The following PRKN variants were observed in gnomAD, a reference collection of about 807,000 sequenced individuals.
PRKN encodes the protein parkin RBR E3 ubiquitin protein ligase.
A neutral mutation model predicts 59.5 loss-of-function variants in PRKN; 56 were observed. That is an observed-to-expected ratio of 0.94 (90% CI 0.76 to 1.18). The LOEUF (loss-of-function observed/expected upper bound fraction) is 1.18. Ranked by LOEUF, PRKN falls within the 50% of genes most tolerant of loss-of-function variation. The pLI is 0.00. For missense variants in PRKN, 657 were observed against 596.4 expected, an observed-to-expected ratio of 1.10 and a Z score of -1.06; for synonymous variants, 250 against 222.1, an observed-to-expected ratio of 1.13 and a Z score of -1.12.
intron 5 of PRKN, among the ~76,000 whole-genome samples, chr6:161,985,078 G>A (rs944218005): frequency 2.0e-5 from 3 of 152,162 alleles, no homozygotes; most frequent in Admixed American, 6.5e-5. Context: ...TCCAACAAAC[G>A]TTTGGAGATT....
chr6:162,169,435 A>G (rs541785346), intron 4 of PRKN, among the ~76,000 whole-genome samples: 10 of 152,302 alleles, frequency 6.6e-5, no homozygotes, highest in Non-Finnish European at 1.5e-4. Context: ...AATTCAAGTT[A>G]CTACCACTTT....
At chr6:161,802,694 A>G (rs1055232086) in intron 6 of PRKN, among the ~76,000 whole-genome samples, 2 of 151,988 alleles carry the variant, frequency 1.3e-5, no homozygotes, top group African/African-American at 4.8e-5. Flanking sequence ...CACATTCCCA[A>G]TTCCCATGGC....
intron 1 of PRKN, among the ~76,000 whole-genome samples, chr6:162,487,380 G>T (rs1792594232): frequency 6.6e-6 from 1 of 152,144 alleles, no homozygotes; most frequent in African/African-American, 2.4e-5. Context: ...CAAGTGACTG[G>T]TTTTCTGAGG....
At chr6:161,443,714 G>A (rs140077932) in intron 9 of PRKN, among the ~76,000 whole-genome samples, 365 of 152,108 alleles carry the variant, frequency 2.4e-3, no homozygotes, top group African/African-American at 8.2e-3. Context: ...GAAATCCTCC[G>A]CAGTCATTAG....
At chr6:161,789,904 C>T (rs1307488449) in intron 6 of PRKN, among the ~76,000 whole-genome samples, 1 of 152,160 alleles carries the variant, frequency 6.6e-6, no homozygotes, top group Non-Finnish European at 1.5e-5. Context: ...CTCTCATTTA[C>T]ATGTTGTTCA....
Position 161,811,977 on chromosome 6 carries a change from AAC to A in PRKN, c.735-26071_735-26070del, listed in dbSNP as rs1791583358. ...AAAAAAAATCTAGAAGGAAAAATAT[AAC>A]AGACATTTTCTTTGTAACCTTGAGC... On this transcript the variant is annotated intron_variant, in intron 6 of 11. Transcript: ENST00000366898. Among the ~76,000 whole-genome samples the A allele has an allele frequency of 7.2e-5, 11 of 152,186 alleles. No homozygotes were observed. In the South Asian group the frequency reaches 2.3e-3, roughly 32 times the overall value.
rs1789565715 is a variant in PRKN, at chr6:161,447,868, G to A, written c.1084-60991C>T. ...TTTCAGGACCTTCCAAATTTCACAG[G>A]CCTAGAGGAAAGTTAAGCCCTGGAA... On this transcript the variant is annotated intron_variant, in intron 9 of 11. Transcript: ENST00000366898. The surrounding 1 kb of genome is among the most constrained non-coding windows in gnomAD (Gnocchi z 4.1). 1.3e-5 allele frequency among the ~76,000 whole-genome samples: 2 copies of A among 152,042 alleles called. No homozygotes were observed. Among genetic ancestry groups the A allele is most frequent in the African/African-American group, 2.4e-5 (1 of 41,404 alleles).
At chr6:162,207,110 A>G (rs1171041539) in intron 3 of PRKN, among the ~76,000 whole-genome samples, 1 of 152,072 alleles carries the variant, frequency 6.6e-6, no homozygotes, top group African/African-American at 2.4e-5. Flanking sequence ...CAGTGACTCA[A>G]GCCTGTAATC....
chr6:161,932,120 TAA>T (rs1000654238), intron 6 of PRKN, among the ~76,000 whole-genome samples: 4 of 152,020 alleles, frequency 2.6e-5, no homozygotes, highest in South Asian at 2.1e-4. Context: ...ATTTTTATTA[TAA>T]AAAATTCAGA....
chr6:161,695,789 T>C (rs775042688), intron 7 of PRKN, among the ~76,000 whole-genome samples: 8 of 152,164 alleles, frequency 5.3e-5, no homozygotes, highest in Non-Finnish European at 1.2e-4. Flanking sequence ...CAGTCAATCA[T>C]GAGAGCACAG....
intron 1 of PRKN, among the ~76,000 whole-genome samples, chr6:162,552,854 A>T (rs372914941): frequency 7.2e-5 from 11 of 152,152 alleles, no homozygotes; most frequent in Admixed American, 3.9e-4. Flanking sequence ...AAAGGCTCAA[A>T]ACGCTAAGCA....
chr6:161,964,835 C>A lies in PRKN; in HGVS notation c.734+8467G>T, dbSNP rs138653815. 3.4e-3 allele frequency among the ~76,000 whole-genome samples: 516 copies of A among 152,100 alleles called. 7 individuals are homozygous for A. Among genetic ancestry groups the A allele is most frequent in the African/African-American group, 0.012 (488 of 41,414 alleles). ...ATAAACTATCAGATCCCATCTGATC[C>A]CTAAATTTTAAGAAAATCTTAAGTT... On this transcript the variant is annotated intron_variant, in intron 6 of 11. Transcript: ENST00000366898.
intron 7 of PRKN, among the ~76,000 whole-genome samples, chr6:161,757,829 C>T (rs1010910318): frequency 8.8e-5 from 10 of 113,796 alleles, no homozygotes; most frequent in African/African-American, 3.9e-4. Context: ...TAGAGCAAAA[C>T]TCCATCTCTC....
chr6:162,292,788 C>T (rs1294133925), intron 2 of PRKN, among the ~76,000 whole-genome samples: 1 of 152,070 alleles, frequency 6.6e-6, no homozygotes, highest in Non-Finnish European at 1.5e-5. Flanking sequence ...ATATAAAAAC[C>T]CCCAGATCTC....
At chr6:161,358,674 T>C (rs7752498) in intron 11 of PRKN, among the ~76,000 whole-genome samples, 69,818 of 151,582 alleles carry the variant, frequency 0.46, 16,833 homozygotes, top group African/African-American at 0.55. Flanking sequence ...AACCATCACA[T>C]ATCTTCTCCT....
rs888187374 is a variant in PRKN at position 161,373,062 on chromosome 6, T to C, written c.1168-12857A>G. On this transcript the variant is annotated intron_variant, in intron 10 of 11. Transcript: ENST00000366898. This position sits in a 1 kb window ranked among gnomAD's most constrained non-coding sequence, Gnocchi z 4.8. ...TTAGCTTCAAGTGATCCTCCCACCC[T>C]GGCCTCCCAAAGTGTGGGGCTGCCG... is the stretch of plus-strand genomic sequence containing the variant. Among the ~76,000 whole-genome samples, 3 of 152,084 alleles carry C rather than the reference T, an allele frequency of 2.0e-5. No homozygotes were observed.
chr6:161,803,959 T>A (rs1382897315), intron 6 of PRKN, among the ~76,000 whole-genome samples: 2 of 152,174 alleles, frequency 1.3e-5, no homozygotes, highest in South Asian at 4.1e-4. Flanking sequence ...GAGGCGGTGT[T>A]GCCGATGTGT....
chr6:162,555,764 G>A (rs1779537854), intron 1 of PRKN, among the ~76,000 whole-genome samples: 1 of 152,110 alleles, frequency 6.6e-6, no homozygotes, highest in Non-Finnish European at 1.5e-5. Context: ...GCCGAGGCAG[G>A]TGGATCACCT....
chr6:162,277,536 AC>A (rs1780686285), intron 2 of PRKN, among the ~76,000 whole-genome samples: 1 of 152,096 alleles, frequency 6.6e-6, no homozygotes, highest in Admixed American at 6.5e-5. Context: ...ATTTGACTAA[AC>A]TTTTGGTCAG....
Sources: gnomAD v4.1 joint callset for allele counts (sites outside exome capture counted in the v4.1 genomes callset) on GRCh38, gnomAD v4.1.1 for gene constraint, Gnocchi (gnomAD v3.1) non-coding constraint, MANE v1.5 for transcripts, NCBI Gene and HGNC (gene_info 2026-07-23, HGNC 2026-07-21) for gene names.